Variants in KDM4C observed in about 807,000 individuals in gnomAD.
The protein encoded by KDM4C is lysine demethylase 4C.
Under a neutral mutation model 129.3 loss-of-function variants are expected in KDM4C, and 81 were observed. That is an observed-to-expected ratio of 0.63 (90% CI 0.52 to 0.75). The LOEUF is 0.75. KDM4C is among the 30% of genes least tolerant of loss of function. The pLI is 0.00. For synonymous variants in KDM4C, 573 were observed against 456.1 expected, an observed-to-expected ratio of 1.26 and a Z score of -3.26; for missense variants, 1,457 against 1,304.0, an observed-to-expected ratio of 1.12 and a Z score of -1.81.
intron 15 of KDM4C, among the ~76,000 whole-genome samples, chr9:7,019,696 ATAATATTT>A (rs1364355852): frequency 2.2e-4 from 28 of 126,868 alleles, no homozygotes; most frequent in African/African-American, 7.9e-4. Flanking sequence ...TTATAAAAAT[ATAATATTT>A]TTATATATAA....
intron 3 of KDM4C, among the ~76,000 whole-genome samples, chr9:6,813,005 G>A (rs772789642): frequency 6.6e-5 from 10 of 151,998 alleles, no homozygotes; most frequent in African/African-American, 1.5e-4. Flanking sequence ...GAGAAACCCC[G>A]TCTCTACTAA....
At chr9:6,974,694 A>T (rs1016918921) in intron 8 of KDM4C, 2 of 152,156 alleles carry the variant, frequency 1.3e-5, no homozygotes, top group Non-Finnish European at 2.9e-5. Context: ...GACTCATACA[A>T]ATATTTATGT....
Position 7,046,933 on chromosome 9 carries a change from AT to A in KDM4C, c.2315+18del, listed in dbSNP as rs1348794496. 1.3e-6 allele frequency: 2 copies of A among 1,502,552 alleles called. No homozygotes were observed. The highest frequency in any genetic ancestry group is 2.7e-5 in the African/African-American group (2 of 73,084). The allele number at this position is 1,502,552 out of a possible 1,614,324, so 93.1% of individuals were successfully genotyped here. On this transcript the variant is annotated intron_variant, in intron 16 of 21. Transcript: ENST00000381309. ...AGAACAATAAGTAAGTAATACATTA[AT>A]TGTGTTGAATTTCATTATTTTTCTT...
At chr9:6,808,099 G>A (rs1272289351) in intron 3 of KDM4C, among the ~76,000 whole-genome samples, 2 of 56,412 alleles carry the variant, frequency 3.5e-5, no homozygotes, top group Non-Finnish European at 6.6e-5. Context: ...CCGGCCAGCC[G>A]CCCCGTCCGG....
intron 1 of KDM4C, among the ~76,000 whole-genome samples, chr9:6,772,142 G>C (rs746203274): frequency 1.1e-4 from 17 of 152,112 alleles, no homozygotes; most frequent in Non-Finnish European, 1.5e-5. Flanking sequence ...ATTCGTAGGA[G>C]AACAGTCTGT....
intron 19 of KDM4C, among the ~76,000 whole-genome samples, chr9:7,128,706 A>C (rs1310027091): frequency 6.6e-6 from 1 of 152,210 alleles, no homozygotes; most frequent in Non-Finnish European, 1.5e-5. Context: ...GGAGTAACAA[A>C]AGTCACACAG....
chr9:7,048,640 A>G (rs967577032), intron 16 of KDM4C, among the ~76,000 whole-genome samples: 27 of 152,080 alleles, frequency 1.8e-4, no homozygotes, highest in African/African-American at 6.5e-4. Context: ...TTGCTACTTA[A>G]ACAAGTTTGC....
chr9:7,057,033 G>A (rs913830529), intron 17 of KDM4C, among the ~76,000 whole-genome samples: 2 of 152,266 alleles, frequency 1.3e-5, no homozygotes, highest in East Asian at 1.9e-4. Context: ...GGAAAGGTAC[G>A]GTCATTATTG....
intron 1 of KDM4C, among the ~76,000 whole-genome samples, chr9:6,745,783 A>T (rs1184096336): frequency 6.8e-6 from 1 of 147,408 alleles, no homozygotes; most frequent in African/African-American, 2.5e-5. Flanking sequence ...GGACTAGTGC[A>T]TGCCACCATG....
intron 4 of KDM4C, among the ~76,000 whole-genome samples, chr9:6,843,733 T>G (rs1837382987): frequency 6.6e-6 from 1 of 152,248 alleles, no homozygotes; most frequent in Admixed American, 6.5e-5. Flanking sequence ...TCTTTCAGAT[T>G]GAAATTCTTC....
At chr9:6,976,156 G>T (rs1832878433) in intron 8 of KDM4C, among the ~76,000 whole-genome samples, 1 of 152,168 alleles carries the variant, frequency 6.6e-6, no homozygotes, top group Non-Finnish European at 1.5e-5. Flanking sequence ...TGAGGAGTTA[G>T]AATAAAATTA....
chr9:7,019,767 A>T (rs150651755), intron 15 of KDM4C, among the ~76,000 whole-genome samples: 4,941 of 122,018 alleles, frequency 0.04, 89 homozygotes, highest in Middle Eastern at 0.094. Flanking sequence ...ATAAAAATAT[A>T]ATATTTTTAT....
At chr9:7,141,903 C>T (rs960651624) in intron 19 of KDM4C, among the ~76,000 whole-genome samples, 3 of 151,958 alleles carry the variant, frequency 2.0e-5, no homozygotes, top group Admixed American at 6.6e-5. Flanking sequence ...AGTGACGTGA[C>T]CAGGCACTTC....
At chr9:6,764,488 G>C (rs993741772) in intron 1 of KDM4C, among the ~76,000 whole-genome samples, 2 of 152,194 alleles carry the variant, frequency 1.3e-5, no homozygotes, top group Non-Finnish European at 2.9e-5. Context: ...TTCTTCAGTA[G>C]ATTAACTTGT....
chr9:6,930,097 C>G (rs1392731752), intron 8 of KDM4C, among the ~76,000 whole-genome samples: 1 of 152,164 alleles, frequency 6.6e-6, no homozygotes, highest in Admixed American at 6.5e-5. Context: ...AGACACACTC[C>G]TTGGTGCTAT....
intron 1 of KDM4C, among the ~76,000 whole-genome samples, chr9:6,742,046 C>G (rs1436427565): frequency 1.3e-5 from 2 of 151,726 alleles, no homozygotes; most frequent in East Asian, 3.9e-4. Context: ...GATCTCGGCT[C>G]ACTGCAACCT....
At chr9:7,062,140 T>G (rs1831781011) in intron 17 of KDM4C, among the ~76,000 whole-genome samples, 1 of 152,152 alleles carries the variant, frequency 6.6e-6, no homozygotes, top group Admixed American at 6.5e-5. Context: ...GGCCAATTTT[T>G]TGTATTTTTA....
At chr9:6,961,808 A>G (rs548395692) in intron 8 of KDM4C, among the ~76,000 whole-genome samples, 3 of 152,290 alleles carry the variant, frequency 2.0e-5, no homozygotes, top group Non-Finnish European at 2.9e-5. Flanking sequence ...TTATTTTTCC[A>G]TATTATTGCA....
intron 8 of KDM4C, among the ~76,000 whole-genome samples, chr9:6,902,336 A>T (rs1199507921): frequency 6.6e-6 from 1 of 152,184 alleles, no homozygotes; most frequent in Non-Finnish European, 1.5e-5. Flanking sequence ...AATAGAGTAG[A>T]TGTTAAAGAT....
Sources: gnomAD v4.1 joint callset for allele counts (sites outside exome capture counted in the v4.1 genomes callset) on GRCh38, gnomAD v4.1.1 for gene constraint, MANE v1.5 for transcripts, NCBI Gene and HGNC (gene_info 2026-07-23, HGNC 2026-07-21) for gene names.